Variants in CFTR observed in about 807,000 individuals in gnomAD.
CFTR encodes the protein CF transmembrane conductance regulator.
CFTR carries 181 observed loss-of-function variants against 171.6 expected under a neutral mutation model. The ratio of observed to expected loss-of-function variants is 1.05; its 90% confidence interval spans 0.93 to 1.19. CFTR has a LOEUF of 1.19. CFTR is among the 50% of genes most tolerant of loss of function. CFTR has a pLI of 0.00. For missense variants in CFTR, 1,968 were observed against 1,734.7 expected (o/e 1.13, Z -2.39); for synonymous variants, 583 against 608.0 (o/e 0.96, Z 0.60).
chr7:117,508,187 CCTTGTGGTT>C (rs1798453634), intron 2 of CFTR, among the ~76,000 whole-genome samples: 1 of 152,128 alleles, frequency 6.6e-6, no homozygotes. Context: ...CCTAGTTCTT[CCTTGTGGTT>C]CATGAAATTT....
rs1357935866 is a variant in CFTR, at chr7:117,627,674, G to T, written c.3621G>T (p.Gly1207=). Residue 1207 remains glycine, a synonymous_variant, in exon 22 of 27, where the codon GGG becomes GGT. Transcript: ENST00000003084. The stretch of plus-strand genomic sequence containing the variant: ...AGAAAGATGACATCTGGCCCTCAGG[G>T]GGCCAAATGACTGTCAAAGATCTCA... ...HVKKDDIWPS[G]GQMTVKDLTA... is the part of the protein sequence containing the mutation. 1.9e-6 allele frequency: 3 copies of T among 1,613,188 alleles called. No individual in the cohort carries two copies. Among genetic ancestry groups the T allele is most frequent in the Admixed American group, 1.7e-5 (1 of 59,922 alleles).
At chr7:117,532,538 A>C (rs955702572) in intron 4 of CFTR, among the ~76,000 whole-genome samples, 4 of 152,168 alleles carry the variant, frequency 2.6e-5, no homozygotes, top group Admixed American at 6.6e-5. Flanking sequence ...ACCACTAGGG[A>C]CAATAGAGTA....
intron 1 of CFTR, among the ~76,000 whole-genome samples, chr7:117,503,570 C>T (rs1490731238): frequency 2.0e-5 from 3 of 152,042 alleles, no homozygotes; most frequent in Non-Finnish European, 4.4e-5. Context: ...TAGTGATTTC[C>T]CATGCCAACT....
At chr7:117,593,298 T>A (rs1481533860) in intron 14 of CFTR, among the ~76,000 whole-genome samples, 1 of 152,218 alleles carries the variant, frequency 6.6e-6, no homozygotes, top group Non-Finnish European at 1.5e-5. Flanking sequence ...ATTTTATTTT[T>A]AAAACAGGAA....
chr7:117,548,043 C>T lies in CFTR; in HGVS notation c.1210-598C>T, dbSNP rs991455437. On this transcript the variant is annotated intron_variant, in intron 9 of 26. Transcript: ENST00000003084. Reference sequence around the variant, plus strand: ...AATTTTTAAAAGGGAATTACTTCTTCGTAGCTACTTTTGTGAAATGAATTC... The same window carrying T: ...AATTTTTAAAAGGGAATTACTTCTTTGTAGCTACTTTTGTGAAATGAATTC... 2.1e-4 allele frequency among the ~76,000 whole-genome samples: 32 copies of T among 152,118 alleles called. No homozygotes were observed. The highest frequency in any genetic ancestry group is 4.3e-4 in the Non-Finnish European group (29 of 68,010).
chr7:117,508,332 G>T (rs1798456281), intron 2 of CFTR, among the ~76,000 whole-genome samples: 1 of 152,008 alleles, frequency 6.6e-6, no homozygotes, highest in Admixed American at 6.6e-5. Flanking sequence ...CAATCAGCTG[G>T]TGTTCCTATA....
Position 117,665,539 on chromosome 7 carries a change from C to A in CFTR, c.4217C>A (p.Ala1406Glu), listed in dbSNP as rs1793360079. Reference protein sequence around the residue: ...TVILCEHRIEAMLECQQFLVI... With the variant: ...TVILCEHRIEEMLECQQFLVI... Reference sequence around the variant, plus strand: ...ATTCTCTGTGAACACAGGATAGAAGCAATGCTGGAATGCCAACAATTTTTG... The same window carrying A: ...ATTCTCTGTGAACACAGGATAGAAGAAATGCTGGAATGCCAACAATTTTTG... Residue 1406 changes from alanine to glutamate, a missense_variant, in exon 26 of 27, where the codon GCA becomes GAA. Transcript: ENST00000003084. 1.2e-6 allele frequency: 2 copies of A among 1,612,340 alleles called. No individual in the cohort carries two copies. The highest frequency in any genetic ancestry group is 1.7e-5 in the Admixed American group (1 of 59,976).
At chr7:117,666,080 C>A (rs1000827794) in intron 26 of CFTR, among the ~76,000 whole-genome samples, 1 of 152,152 alleles carries the variant, frequency 6.6e-6, no homozygotes, top group African/African-American at 2.4e-5. Context: ...GTCACATGGC[C>A]AGGCACAGTG....
At position 117,592,655 on chromosome 7, in the gene CFTR, A is replaced by C; in HGVS notation, c.2488A>C (p.Lys830Gln). The change falls in exon 14 of 27, where the codon AAG (lysine) becomes CAG (glutamine). Residue 830 changes from lysine to glutamine, a missense_variant and splice_region_variant. Transcript: ENST00000003084. ...ISEEINEEDL[K>Q]ECFFDDMESI... ...TGAAGAAATTAACGAAGAAGACTTAAAGGTAGGTATACATCGCTTGGGGGT... is the reference window on the plus strand; with the variant it reads ...TGAAGAAATTAACGAAGAAGACTTACAGGTAGGTATACATCGCTTGGGGGT... 1 of 1,543,420 alleles carries C rather than the reference A, an allele frequency of 6.5e-7. No individual in the cohort carries two copies. Among genetic ancestry groups the C allele is most frequent in the Non-Finnish European group, 8.7e-7 (1 of 1,152,366 alleles).
At chr7:117,625,189 C>A (rs920001413) in intron 21 of CFTR, among the ~76,000 whole-genome samples, 2 of 152,158 alleles carry the variant, frequency 1.3e-5, no homozygotes, top group African/African-American at 2.4e-5. Context: ...TTAAATCACA[C>A]GTTCTTGGCT....
Position 117,664,671 on chromosome 7 carries a change from A to G in CFTR, c.3964-17A>G, listed in dbSNP as rs1793338614. 1.9e-6 allele frequency: 3 copies of G among 1,612,274 alleles called. No individual in the cohort carries two copies. The highest frequency in any genetic ancestry group is 1.3e-5 in the African/African-American group (1 of 74,976). ...TTTTTAACTCTGTGGTATCTGAACT[A>G]TCTTCTCTAACTGCAGGTTGGGCTC... On this transcript the variant is annotated splice_polypyrimidine_tract_variant and intron_variant, in intron 24 of 26. Coordinates refer to ENST00000003084, the MANE Select transcript of CFTR (RefSeq NM_000492.4).
chr7:117,587,846 T>G lies in CFTR; in HGVS notation c.1679+13T>G. The G allele has an allele frequency of 6.8e-7, 1 of 1,471,212 alleles. No homozygotes were observed. The allele number at this position is 1,471,212 out of a possible 1,614,324, so 91.1% of individuals were successfully genotyped here. On this transcript the variant is annotated intron_variant, in intron 12 of 26. Coordinates refer to ENST00000003084, the MANE Select transcript of CFTR (RefSeq NM_000492.4). The stretch of plus-strand genomic sequence containing the variant: ...TTTCTTTAGCAAGGTGAATAACTAA[T>G]TATTGGTCTAGCAAGCATTTGCTGT...
intron 1 of CFTR, among the ~76,000 whole-genome samples, chr7:117,500,336 G>T (rs1429478665): frequency 1.4e-5 from 2 of 143,328 alleles, no homozygotes; most frequent in Non-Finnish European, 1.5e-5. Context: ...GCCCAGGCTG[G>T]AGTGCAATGG....
chr7:117,497,456 A>G (rs1407319771), intron 1 of CFTR, among the ~76,000 whole-genome samples: 1 of 152,174 alleles, frequency 6.6e-6, no homozygotes, highest in Non-Finnish European at 1.5e-5. Flanking sequence ...GGCTCTCATG[A>G]ACATCAGGAA....
At chr7:117,501,776 C>CAAAAAAAAAAAAAA (rs796991857) in intron 1 of CFTR, among the ~76,000 whole-genome samples, 3 of 84,338 alleles carry the variant, frequency 3.6e-5, no homozygotes, top group Non-Finnish European at 8.1e-5. Context: ...AAAAAAGAAA[C>CAAAAAAAAAAAAAA]AAAAAAAAAA....
At chr7:117,545,504 A>G (rs919623597) in intron 9 of CFTR, among the ~76,000 whole-genome samples, 3 of 152,114 alleles carry the variant, frequency 2.0e-5, no homozygotes, top group East Asian at 1.9e-4. Context: ...TCCTGCGTGT[A>G]CCTCAAGGTT....
intron 15 of CFTR, among the ~76,000 whole-genome samples, chr7:117,602,290 C>T (rs1327009316): frequency 6.6e-6 from 1 of 152,198 alleles, no homozygotes; most frequent in African/African-American, 2.4e-5. Context: ...CCTGCCTTGG[C>T]CTCCCAAAGT....
At position 117,660,579 on chromosome 7, in the gene CFTR, C is replaced by T. The variant is rs1289161947; in HGVS notation, c.3964-4109C>T. On this transcript the variant is annotated intron_variant, in intron 24 of 26. Coordinates refer to ENST00000003084, the MANE Select transcript of CFTR (RefSeq NM_000492.4). ...TGGGAGTCGGAGGTTGCAGTGAGCCCAGATCGCACCACTGCACTCCAGCCT... is the reference window on the plus strand; with the variant it reads ...TGGGAGTCGGAGGTTGCAGTGAGCCTAGATCGCACCACTGCACTCCAGCCT... Among the ~76,000 whole-genome samples the T allele has an allele frequency of 4.0e-5, 6 of 151,846 alleles. No homozygotes were observed. The East Asian group carries it at 1.2e-3, about 30-fold the overall frequency.
chr7:117,501,526 G>A (rs1244491331), intron 1 of CFTR, among the ~76,000 whole-genome samples: 2 of 151,568 alleles, frequency 1.3e-5, no homozygotes, highest in African/African-American at 4.8e-5. Context: ...CAGGTGGATT[G>A]CCTGAAGTCA....
Sources: gnomAD v4.1 joint callset for allele counts (sites outside exome capture counted in the v4.1 genomes callset) on GRCh38, gnomAD v4.1.1 for gene constraint, MANE v1.5 for transcripts, NCBI Gene and HGNC (gene_info 2026-07-23, HGNC 2026-07-21) for gene names.